Variants in GARNL3 observed in about 807,000 individuals in gnomAD.
GARNL3 encodes GTPase-activating Rap/Ran-GAP domain-like protein 3.
In GARNL3, 63 loss-of-function variants were observed where a neutral mutation model predicts 125.0. The ratio of observed to expected loss-of-function variants is 0.50; its 90% CI spans 0.41 to 0.62. The LOEUF is 0.62. GARNL3 is among the 20% of genes least tolerant of loss of function. The pLI, the probability that GARNL3 is intolerant of heterozygous loss-of-function variation, is 0.00. For synonymous variants in GARNL3, 439 were observed against 457.5 expected, an observed-to-expected ratio of 0.96 and a Z score of 0.52; for missense variants, 994 against 1,244.0, an observed-to-expected ratio of 0.80 and a Z score of 3.02.
intron 2 of GARNL3, among the ~76,000 whole-genome samples, chr9:127,306,339 T>C (rs1029217182): frequency 3.9e-5 from 6 of 152,152 alleles, no homozygotes; most frequent in African/African-American, 7.2e-5. Flanking sequence ...TCCCAGCACT[T>C]TGGGAGGCTG....
Position 127,384,551 on chromosome 9 carries a change from G to A in GARNL3, c.2270-476G>A, listed in dbSNP as rs1035743581. 1.3e-5 allele frequency among the ~76,000 whole-genome samples: 2 copies of A among 152,160 alleles called. No individual in the cohort carries two copies. Among genetic ancestry groups the A allele is most frequent in the South Asian group, 2.1e-4 (1 of 4,832 alleles). On this transcript the variant is annotated intron_variant, in intron 23 of 27. Coordinates refer to ENST00000373387, the MANE Select transcript of GARNL3 (RefSeq NM_032293.5). The surrounding 1 kb of genome is among the most constrained non-coding windows in gnomAD (Gnocchi z 4.0). ...CCAGTGAGGAATAAGATGCAGCCCCGGCTCAGACGTGCAGCTGGAGGAGCA... is the reference window on the plus strand; with the variant it reads ...CCAGTGAGGAATAAGATGCAGCCCCAGCTCAGACGTGCAGCTGGAGGAGCA...
At chr9:127,368,349 C>T in intron 22 of GARNL3, among the ~76,000 whole-genome samples, 2 of 140,068 alleles carry the variant, frequency 1.4e-5, no homozygotes. Flanking sequence ...TTTTTTTTTC[C>T]AGATAGAGTC....
chr9:127,342,182 T>C (rs1827368345), intron 13 of GARNL3, 37 bp from the exon 14 acceptor site: 1 of 1,150,696 alleles, frequency 8.7e-7, no homozygotes. Flanking sequence ...TGTCAAGAGA[T>C]ATCTTGTAAT....
chr9:127,230,952 A>C (rs1195443453), intron 1 of GARNL3, among the ~76,000 whole-genome samples: 1 of 140,720 alleles, frequency 7.1e-6, no homozygotes, highest in Non-Finnish European at 1.5e-5. Flanking sequence ...AATACAGGCA[A>C]ACGATATATA....
chr9:127,375,853 G>A (rs1243705612), intron 22 of GARNL3, among the ~76,000 whole-genome samples: 1 of 152,236 alleles, frequency 6.6e-6, no homozygotes, highest in Non-Finnish European at 1.5e-5. Flanking sequence ...CCAGGGGAGA[G>A]GTCCTTGTGG....
chr9:127,338,010 C>T (rs1271879090), intron 11 of GARNL3, 106 bp from the exon 12 acceptor site: 5 of 841,588 alleles, frequency 5.9e-6, no homozygotes, highest in Non-Finnish European at 2.1e-6. Context: ...GTGCCCTAAG[C>T]ACAGAAGCGC....
At chr9:127,335,103 G>T in intron 9 of GARNL3, 127 bp from the exon 10 acceptor site, 1 of 668,820 alleles carries the variant, frequency 1.5e-6, no homozygotes. Context: ...TTGCTTCCAT[G>T]CAGGTGGATA....
At chr9:127,276,910 G>C (rs2063971634) in intron 1 of GARNL3, among the ~76,000 whole-genome samples, 1 of 152,224 alleles carries the variant, frequency 6.6e-6, no homozygotes, top group Non-Finnish European at 1.5e-5. Context: ...TGGGAGTACT[G>C]TTATCATCCC....
At chr9:127,334,840 A>G (rs1829461661) in intron 9 of GARNL3, among the ~76,000 whole-genome samples, 2 of 152,242 alleles carry the variant, frequency 1.3e-5, no homozygotes, top group South Asian at 4.1e-4. Context: ...TTTGCTTTTA[A>G]TCACAAACAA....
rs756942109 is a variant in GARNL3, at chr9:127,231,051, T to TATATATATA, written c.-29+6713_-29+6714insATATATATA. Among the ~76,000 whole-genome samples the TATATATATA allele has an allele frequency of 1.3e-3, 77 of 58,036 alleles. 1 individual carries two copies. The highest frequency in any genetic ancestry group is 7.9e-3 in the Admixed American group (32 of 4,052). 38.1% of individuals were successfully genotyped at this position (58,036 alleles called of 152,430 possible). A position where few individuals can be genotyped will look rare whatever the true frequency, so the allele number is the denominator to read the frequency against. ...GTATATATACATATATATATATATA[T>TATATATATA]TTTTTTTTTTTTTTTTTTTTTGAGA... On this transcript the variant is annotated intron_variant, in intron 1 of 10. Transcript: ENST00000439286.
At chr9:127,339,129 G>A (rs932086800) in intron 12 of GARNL3, among the ~76,000 whole-genome samples, 1 of 151,562 alleles carries the variant, frequency 6.6e-6, no homozygotes, top group Admixed American at 6.6e-5. Flanking sequence ...AACCCCGTCT[G>A]TACTAAAAAT....
chr9:127,354,269 T>G (rs754946021), intron 18 of GARNL3, 25 bp from the exon 19 acceptor site: 1 of 1,566,146 alleles, frequency 6.4e-7, no homozygotes, highest in Non-Finnish European at 8.8e-7. Context: ...TTTAATCTCC[T>G]CCTCTGTCTT....
chr9:127,375,067 T>A (rs1220281225), intron 22 of GARNL3, among the ~76,000 whole-genome samples: 1 of 152,134 alleles, frequency 6.6e-6, no homozygotes, highest in Non-Finnish European at 1.5e-5. Context: ...CTGGTGGAAA[T>A]GTAAATTGGT....
intron 25 of GARNL3, 35 bp downstream of exon 25, chr9:127,387,366 G>C: frequency 6.4e-7 from 1 of 1,565,092 alleles, no homozygotes; most frequent in Non-Finnish European, 8.7e-7. Context: ...ATTAATATTT[G>C]TAATTCACTC....
intron 1 of GARNL3, 27 bp downstream of exon 1, chr9:127,265,048 T>C: frequency 6.3e-7 from 1 of 1,588,140 alleles, no homozygotes; most frequent in Non-Finnish European, 8.6e-7. Context: ...TGTTCAGTGG[T>C]AGTACATTGA....
chr9:127,345,478 G>T lies in GARNL3; in HGVS notation c.1431+1G>T, dbSNP rs1459403981. On this transcript the variant is annotated splice_donor_variant, in intron 16 of 27. Transcript: ENST00000373387. LOFTEE classifies it high-confidence loss of function. ...AGCTTCAGGGATCTGTAAAAAAGAGGTGAGTTCATGATACTTTCAATTTGA... is the reference window on the plus strand; with the variant it reads ...AGCTTCAGGGATCTGTAAAAAAGAGTTGAGTTCATGATACTTTCAATTTGA... 1.9e-6 allele frequency: 3 copies of T among 1,573,372 alleles called. No individual in the cohort carries two copies. The highest frequency in any genetic ancestry group is 2.6e-6 in the Non-Finnish European group (3 of 1,149,822).
intron 2 of GARNL3, among the ~76,000 whole-genome samples, chr9:127,249,429 C>T (rs2063361562): frequency 6.6e-6 from 1 of 151,676 alleles, no homozygotes; most frequent in Non-Finnish European, 1.5e-5. Flanking sequence ...ACCAAAGATG[C>T]AGGAAAATTA....
intron 21 of GARNL3, among the ~76,000 whole-genome samples, chr9:127,359,211 C>G (rs1015374880): frequency 6.6e-6 from 1 of 152,170 alleles, no homozygotes; most frequent in Admixed American, 6.5e-5. Context: ...CCCTCTTGGC[C>G]GGGCACAGTG....
At chr9:127,236,756 T>C (rs1457348962) in intron 1 of GARNL3, among the ~76,000 whole-genome samples, 1 of 152,194 alleles carries the variant, frequency 6.6e-6, no homozygotes, top group African/African-American at 2.4e-5. Context: ...TCCTCAACAT[T>C]TCTTTGCTGC....
Sources: gnomAD v4.1 joint callset for allele counts (sites outside exome capture counted in the v4.1 genomes callset) on GRCh38, gnomAD v4.1.1 for gene constraint, Gnocchi (gnomAD v3.1) non-coding constraint, MANE v1.5 for transcripts, NCBI Gene and HGNC (gene_info 2026-07-23, HGNC 2026-07-21) for gene names.